Variants in HDAC2 observed in about 807,000 individuals in gnomAD.
The protein encoded by HDAC2 is YY1-associated factor 1.
HDAC2 carries 5 observed loss-of-function variants against 68.5 expected under a neutral mutation model. The observed-to-expected ratio is 0.07, with a 90% CI of 0.04 to 0.15. HDAC2 has a LOEUF of 0.15. HDAC2 is among the 10% of genes least tolerant of loss of function. The pLI is 1.00. For synonymous variants in HDAC2, 182 were observed against 191.3 expected, an observed-to-expected ratio of 0.95 and a Z score of 0.40; for missense variants, 291 against 600.8, an observed-to-expected ratio of 0.48 and a Z score of 5.39.
intron 6 of HDAC2, among the ~76,000 whole-genome samples, chr6:113,951,537 G>C (rs34789089): frequency 6.7e-6 from 1 of 148,488 alleles, no homozygotes; most frequent in Non-Finnish European, 1.5e-5. Flanking sequence ...GAGCGATCTC[G>C]GCTCACAGCA....
intron 1 of HDAC2, among the ~76,000 whole-genome samples, chr6:113,960,649 A>G (rs1387846591): frequency 2.0e-5 from 3 of 152,076 alleles, no homozygotes; most frequent in African/African-American, 7.2e-5. Context: ...GGCATCTTAT[A>G]TCACAATGTC....
chr6:113,944,155 G>C, intron 11 of HDAC2, 125 bp downstream of exon 11: 1 of 839,484 alleles, frequency 1.2e-6, no homozygotes. Flanking sequence ...CTCTGAAAGT[G>C]GCAAAAATGA....
Position 113,938,663 on chromosome 6 carries a change from T to C in HDAC2, c.*2395A>G, listed in dbSNP as rs1169090119. On this transcript the variant is annotated 3_prime_UTR_variant, in exon 14 of 14. Transcript: ENST00000519065. ...AAATATCATTTTTATCCTATATGAA[T>C]TTTTTAAAGTATTAGGGTATTCTGA... The C allele has an allele frequency of 6.6e-6, 1 of 152,210 alleles. No individual in the cohort carries two copies. Among genetic ancestry groups the C allele is most frequent in the African/African-American group, 2.4e-5 (1 of 41,462 alleles). The allele number at this position is 152,210 out of a possible 1,614,324, so 9.4% of individuals were successfully genotyped here. A position where few individuals can be genotyped will look rare whatever the true frequency, so the allele number is the denominator to read the frequency against.
At chr6:113,970,766 C>A in intron 1 of HDAC2, 91 bp downstream of exon 1, 2 of 1,431,520 alleles carry the variant, frequency 1.4e-6, no homozygotes, top group Non-Finnish European at 1.8e-6. Context: ...CTCCTTCCCA[C>A]CCCTCAGCCC....
At position 113,943,366 on chromosome 6, in the gene HDAC2, C is replaced by G; in HGVS notation, c.1363G>C (p.Glu455Gln). The change falls in exon 12 of 14, where the codon GAG (glutamate) becomes CAG (glutamine). Residue 455 changes from glutamate to glutamine, a missense_variant. By Grantham distance (29) the Glu-to-Gln change is conservative (BLOSUM62 2). Around this residue, in one of 2 missense-constraint regions of HDAC2, gnomAD observed 137 missense variants for 128.7 expected, o/e 1.06. Transcript: ENST00000519065. The part of the protein sequence containing the change: ...ARIEEDKKET[E>Q]DKKTDVKEED... ...CAAATCTGACCTGTTTTTTTGTCCT[C>G]TGTTTCTTTCTTATCTTCTTCAATT... 6.3e-7 allele frequency: 1 copy of G among 1,595,906 alleles called. No homozygotes were observed. Among genetic ancestry groups the G allele is most frequent in the Non-Finnish European group, 8.5e-7 (1 of 1,174,980 alleles).
intron 1 of HDAC2, among the ~76,000 whole-genome samples, chr6:113,960,264 C>G (rs1198900722): frequency 6.6e-6 from 1 of 152,020 alleles, no homozygotes; most frequent in Non-Finnish European, 1.5e-5. Flanking sequence ...GGAAAGCAAG[C>G]TTTTCTGATT....
intron 5 of HDAC2, among the ~76,000 whole-genome samples, chr6:113,954,472 C>A (rs949531428): frequency 1.3e-5 from 2 of 152,046 alleles, no homozygotes; most frequent in African/African-American, 4.8e-5. Context: ...AAGCTGTGCA[C>A]CAAGTCAATT....
rs1776610920 is a variant in HDAC2 at position 113,958,700 on chromosome 6, G to A, written c.232C>T (p.Arg78Trp). 6 of 1,607,924 alleles carry A rather than the reference G, an allele frequency of 3.7e-6. No individual in the cohort carries two copies. The highest frequency in any genetic ancestry group is 1.1e-5 in the South Asian group (1 of 90,438). ...GACATGTTATCTGGTCTTATTGACC[G>A]TAGAAATTTGATATACTCATCACTG... ...YHSDEYIKFL[R>W]SIRPDNMSEY... Residue 78 changes from arginine to tryptophan, a missense_variant, in exon 3 of 14, where the codon CGG becomes TGG. Transcript: ENST00000519065.
intron 6 of HDAC2, among the ~76,000 whole-genome samples, chr6:113,951,388 T>C (rs1237921745): frequency 2.6e-5 from 4 of 152,124 alleles, no homozygotes; most frequent in Non-Finnish European, 5.9e-5. Context: ...ATGTAATGAC[T>C]GATTTTAATT....
chr6:113,970,945 C>CCTGCTGCTG lies in HDAC2; in HGVS notation c.-46_-38dup, dbSNP rs528988883. 127 of 1,544,138 alleles carry CCTGCTGCTG rather than the reference C, an allele frequency of 8.2e-5. 2 individuals are homozygous for CCTGCTGCTG. In the South Asian group the frequency reaches 8.7e-4, roughly 11 times the overall value. On this transcript the variant is annotated 5_prime_UTR_variant, in exon 1 of 14. Coordinates refer to ENST00000519065, the MANE Select transcript of HDAC2 (RefSeq NM_001527.4). Reference sequence around the variant, plus strand: ...CCACCGCCGCCACCGGGCTCCTCCTCCTGCTGCTGCTGCTGCTGCTGCTGC... The same window carrying CCTGCTGCTG: ...CCACCGCCGCCACCGGGCTCCTCCTCCTGCTGCTGCTGCTGCTGCTGCTGCTGCTGCTGC...
At chr6:113,953,584 A>G (rs1776472327) in intron 5 of HDAC2, among the ~76,000 whole-genome samples, 166 bp from the exon 6 acceptor site, 1 of 152,248 alleles carries the variant, frequency 6.6e-6, no homozygotes, top group Non-Finnish European at 1.5e-5. Context: ...TTTGAGCCTC[A>G]GGCCTTTAAA....
At chr6:113,955,798 A>G (rs768449998) in intron 5 of HDAC2, 10 of 448,864 alleles carry the variant, frequency 2.2e-5, no homozygotes, top group Non-Finnish European at 3.1e-5. Context: ...GGCCTGGGCC[A>G]TAGTGCCTGG....
intron 4 of HDAC2, chr6:113,956,399 A>C (rs548067976): frequency 7.4e-5 from 42 of 567,790 alleles, no homozygotes; most frequent in Admixed American, 4.6e-4. Context: ...AGACAAAGGG[A>C]ATGAATGAAG....
chr6:113,966,831 G>T (rs981638616), intron 1 of HDAC2, among the ~76,000 whole-genome samples: 1 of 152,160 alleles, frequency 6.6e-6, no homozygotes, highest in African/African-American at 2.4e-5. Flanking sequence ...GATTTCTGGG[G>T]AAAGAGAAGT....
chr6:113,952,794 T>C (rs919613246), intron 6 of HDAC2, among the ~76,000 whole-genome samples: 5 of 152,178 alleles, frequency 3.3e-5, no homozygotes, highest in African/African-American at 1.2e-4. Flanking sequence ...GGTTACACTA[T>C]GGTATCCTTT....
intron 10 of HDAC2, 143 bp from the exon 11 acceptor site, chr6:113,944,553 A>G: frequency 1.5e-6 from 1 of 670,636 alleles, no homozygotes; most frequent in South Asian, 1.9e-5. Flanking sequence ...TGCCCAGACT[A>G]GAGTGCAGTG....
chr6:113,962,105 A>C (rs961169375), intron 1 of HDAC2, among the ~76,000 whole-genome samples: 7 of 152,140 alleles, frequency 4.6e-5, no homozygotes, highest in Admixed American at 3.9e-4. Context: ...AAAAAGCAGT[A>C]ATTAACACTT....
chr6:113,943,092 A>G (rs1392416967), intron 12 of HDAC2, among the ~76,000 whole-genome samples: 1 of 152,152 alleles, frequency 6.6e-6, no homozygotes, highest in African/African-American at 2.4e-5. Flanking sequence ...TCTATATCAC[A>G]ATGCAATGTT....
Position 113,933,768 on chromosome 6 carries a change from T to TAA in HDAC2, c.*7289_*7290insTT, listed in dbSNP as rs1775940536. The TAA allele has an allele frequency of 1.3e-5, 2 of 151,746 alleles. No individual in the cohort carries two copies. Among genetic ancestry groups the TAA allele is most frequent in the Admixed American group, 1.3e-4 (2 of 15,200 alleles). The allele number at this position is 151,746 out of a possible 1,614,324, so 9.4% of individuals were successfully genotyped here. A position where few individuals can be genotyped will look rare whatever the true frequency, so the allele number is the denominator to read the frequency against. ...CATTCTTTGTGTGTGTGTATGTATA[T>TAA]TATATAATATACATACACACACATA... On this transcript the variant is annotated 3_prime_UTR_variant, in exon 14 of 14. Transcript: ENST00000519065.
Sources: allele counts gnomAD v4.1 joint callset (sites outside exome capture counted in the v4.1 genomes callset), GRCh38; gene constraint gnomAD v4.1.1; regional missense constraint gnomAD v4.1.1; transcripts MANE v1.5; gene names NCBI Gene and HGNC (gene_info 2026-07-23, HGNC 2026-07-21).